TRIM16: variants seen among roughly 807,000 people sequenced by gnomAD.
TRIM16 encodes tripartite motif-containing protein 16.
Under a neutral mutation model 50.4 loss-of-function variants are expected in TRIM16, and 33 were observed. The observed-to-expected ratio is 0.65, with a 90% CI of 0.50 to 0.88. The LOEUF is 0.88. TRIM16 is among the 40% of genes least tolerant of loss of function. The pLI is 0.00. For synonymous variants in TRIM16, 229 were observed against 270.7 expected, an observed-to-expected ratio of 0.85 and a Z score of 1.51; for missense variants, 581 against 686.8, an observed-to-expected ratio of 0.85 and a Z score of 1.72.
At chr17:15,662,661 C>T (rs993911444) in intron 6 of TRIM16, among the ~76,000 whole-genome samples, 1 of 152,172 alleles carries the variant, frequency 6.6e-6, no homozygotes, top group Non-Finnish European at 1.5e-5. Flanking sequence ...CTGCTGCTGC[C>T]ACCACCAGCA....
At chr17:15,675,991 A>G (rs148074666) in intron 6 of TRIM16, among the ~76,000 whole-genome samples, 2,823 of 151,534 alleles carry the variant, frequency 0.019, 95 homozygotes, top group African/African-American at 0.065. Flanking sequence ...TTCTCAGGCA[A>G]CTCCCAAATC....
At chr17:15,656,137 T>A (rs575312881) in intron 6 of TRIM16, among the ~76,000 whole-genome samples, 3 of 152,144 alleles carry the variant, frequency 2.0e-5, no homozygotes, top group African/African-American at 7.2e-5. Context: ...CTAAGTCCCC[T>A]CTAATGCCAA....
chr17:15,660,838 C>A (rs1052102631), intron 6 of TRIM16, among the ~76,000 whole-genome samples: 5 of 137,164 alleles, frequency 3.6e-5, no homozygotes, highest in African/African-American at 1.4e-4. Context: ...GCAGAGCTTG[C>A]AGTGAGCCAA....
rs76747987 is a variant in TRIM16, at chr17:15,658,698, A to G, written c.-337-6752T>C. 6.1e-3 allele frequency: 3,321 copies of G among 548,118 alleles called. 95 individuals are homozygous for G. The African/African-American group carries it at 0.063, about 10-fold the overall frequency. 34.0% of individuals were successfully genotyped at this position (548,118 alleles called of 1,614,324 possible). ...GAGTGACATCTAAGTCAGTCCTCCA[A>G]ATTCACTTTGCAATTTTTCTCGTAA... On this transcript the variant is annotated intron_variant, in intron 6 of 11. Transcript: ENST00000649191.
Position 15,651,266 on chromosome 17 carries a change from T to C in TRIM16, c.344A>G (p.Gln115Arg). The stretch of plus-strand genomic sequence containing the variant: ...CACTGGCTCGGTCAGCAGGTGGCTT[T>C]GCAGTTTGATGTTCACCTGATGCGG... ...LQPHQVNIKL[Q>R]SHLLTEPVKD... Residue 115 changes from glutamine to arginine, a missense_variant, in exon 7 of 12, where the codon CAA (glutamine) becomes CGA (arginine). This residue lies in a region of TRIM16 where 450 missense variants were observed against 544.3 expected (regional missense o/e 0.83). Transcript: ENST00000649191. The C allele has an allele frequency of 6.2e-7, 1 of 1,614,244 alleles. No individual in the cohort carries two copies. The highest frequency in any genetic ancestry group is 8.5e-7 in the Non-Finnish European group (1 of 1,180,038).
At chr17:15,655,085 T>C (rs60292952) in intron 6 of TRIM16, among the ~76,000 whole-genome samples, 1,566 of 152,308 alleles carry the variant, frequency 0.01, 30 homozygotes, top group African/African-American at 0.036. Context: ...ATGGTTTTCA[T>C]GTCTCCAGCC....
intron 6 of TRIM16, among the ~76,000 whole-genome samples, chr17:15,660,292 C>T (rs1988165223): frequency 6.6e-6 from 1 of 152,196 alleles, no homozygotes; most frequent in South Asian, 2.1e-4. Flanking sequence ...GGCCAGAGGA[C>T]AATGAGCCGG....
chr17:15,652,331 T>C (rs1369259289), intron 6 of TRIM16, among the ~76,000 whole-genome samples: 2 of 147,000 alleles, frequency 1.4e-5, no homozygotes, highest in Non-Finnish European at 3.0e-5. Flanking sequence ...TTTTTTTTTT[T>C]TGTATTTTTA....
chr17:15,663,066 G>A (rs1988313205), intron 6 of TRIM16, among the ~76,000 whole-genome samples: 1 of 152,038 alleles, frequency 6.6e-6, no homozygotes, highest in Non-Finnish European at 1.5e-5. Context: ...GTCTTCTCGG[G>A]AGCCTTCTCC....
chr17:15,658,806 A>T (rs1033174580), intron 6 of TRIM16: 41 of 985,302 alleles, frequency 4.2e-5, no homozygotes, highest in South Asian at 9.4e-5. Context: ...GCTTACCTGG[A>T]GGTGCAGGCC....
At chr17:15,658,937 C>A (rs1474491900) in intron 6 of TRIM16, 26 of 924,978 alleles carry the variant, frequency 2.8e-5, no homozygotes, top group Non-Finnish European at 3.2e-5. Context: ...AACAAAGGAA[C>A]GAAATAAAGG....
intron 6 of TRIM16, among the ~76,000 whole-genome samples, chr17:15,674,249 A>AT (rs1988834593): frequency 6.6e-6 from 1 of 152,072 alleles, no homozygotes; most frequent in Admixed American, 6.5e-5. Context: ...GGGCACCTGT[A>AT]GTCCCAGCTA....
At chr17:15,671,082 T>C (rs1597665998) in intron 6 of TRIM16, among the ~76,000 whole-genome samples, 1 of 152,284 alleles carries the variant, frequency 6.6e-6, no homozygotes. Context: ...GCATATCTTC[T>C]GATACAGTCA....
At chr17:15,631,338 C>G (rs1358227091) in intron 11 of TRIM16, among the ~76,000 whole-genome samples, 3 of 152,066 alleles carry the variant, frequency 2.0e-5, no homozygotes, top group Non-Finnish European at 4.4e-5. Context: ...TGGTTTTCAT[C>G]AATGTATTGT....
intron 11 of TRIM16, among the ~76,000 whole-genome samples, chr17:15,630,479 G>T (rs1380475013): frequency 6.6e-6 from 1 of 152,062 alleles, no homozygotes; most frequent in African/African-American, 2.4e-5. Flanking sequence ...GTATATACTT[G>T]CCAAATGAAT....
At chr17:15,644,486 G>A (rs1987265206) in intron 7 of TRIM16, among the ~76,000 whole-genome samples, 1 of 152,200 alleles carries the variant, frequency 6.6e-6, no homozygotes, top group Non-Finnish European at 1.5e-5. Flanking sequence ...CACCGCGCCT[G>A]ATGCCTTTTG....
intron 6 of TRIM16, among the ~76,000 whole-genome samples, chr17:15,657,944 CAAAACAAATG>C (rs1178763075): frequency 3.3e-5 from 5 of 152,206 alleles, no homozygotes; most frequent in African/African-American, 1.2e-4. Flanking sequence ...CTTGCCTTCA[CAAAACAAATG>C]TAACTTCACC....
At chr17:15,658,953 C>G in intron 6 of TRIM16, 1 of 840,478 alleles carries the variant, frequency 1.2e-6, no homozygotes, top group Non-Finnish European at 1.4e-6. Flanking sequence ...AAAGGTGAGA[C>G]AAACAGCAGA....
intron 8 of TRIM16, among the ~76,000 whole-genome samples, chr17:15,639,605 G>T (rs896211572): frequency 6.7e-6 from 1 of 149,272 alleles, no homozygotes; most frequent in Non-Finnish European, 1.5e-5. Flanking sequence ...TCCCTCCGGA[G>T]CCCTGTTGTC....
Sources: gnomAD v4.1 joint callset for allele counts (sites outside exome capture counted in the v4.1 genomes callset) on GRCh38, gnomAD v4.1.1 for gene constraint, gnomAD v4.1.1 regional missense constraint, MANE v1.5 for transcripts, NCBI Gene and HGNC (gene_info 2026-07-23, HGNC 2026-07-21) for gene names.